Variants in RAI14 observed in about 807,000 individuals in gnomAD.
RAI14 encodes ankycorbin.
In RAI14, 45 loss-of-function variants were observed where a neutral mutation model predicts 115.4. That is an observed-to-expected ratio of 0.39 (90% CI 0.31 to 0.50). The LOEUF (loss-of-function observed/expected upper bound fraction) is 0.50. RAI14 is among the 20% of genes least tolerant of loss of function. The pLI, the probability that RAI14 is intolerant of heterozygous loss-of-function variation, is 0.85. For synonymous variants in RAI14, 371 were observed against 415.4 expected (o/e 0.89, Z 1.30); for missense variants, 939 against 1,131.2 (o/e 0.83, Z 2.44).
intron 1 of RAI14, among the ~76,000 whole-genome samples, chr5:34,674,385 G>A (rs573913169): frequency 1.3e-5 from 2 of 152,232 alleles, no homozygotes; most frequent in South Asian, 4.1e-4. Flanking sequence ...GAGAGTCCAA[G>A]TTTCCTTATT....
At chr5:34,790,263 T>A (rs1311045469) in intron 3 of RAI14, among the ~76,000 whole-genome samples, 17 of 152,200 alleles carry the variant, frequency 1.1e-4, no homozygotes, top group Non-Finnish European at 1.5e-5. Flanking sequence ...GAGCCTGCTC[T>A]TTCAGTTGGT....
intron 3 of RAI14, among the ~76,000 whole-genome samples, chr5:34,777,903 T>C (rs1327507948): frequency 6.6e-6 from 1 of 151,852 alleles, no homozygotes; most frequent in African/African-American, 2.4e-5. Flanking sequence ...AGTAGAAACA[T>C]AGTTAGAGCT....
rs1269257666 is a variant in RAI14 at position 34,661,194 on chromosome 5, T to A, written c.-49+4719T>A. ...TGAAGTGCTCCGGTGGGTCTTTCCT[T>A]TGGTGTCGTGTAGGTGCTCAAAGAG... On this transcript the variant is annotated intron_variant, in intron 1 of 17. Coordinates refer to ENST00000265109, the MANE Select transcript of RAI14 (RefSeq NM_015577.3). Among the ~76,000 whole-genome samples the A allele has an allele frequency of 2.0e-5, 3 of 152,302 alleles. No individual in the cohort carries two copies. The East Asian group carries it at 5.8e-4, about 29-fold the overall frequency.
chr5:34,749,770 G>A (rs1746752761), intron 2 of RAI14, among the ~76,000 whole-genome samples: 1 of 152,152 alleles, frequency 6.6e-6, no homozygotes, highest in Non-Finnish European at 1.5e-5. Flanking sequence ...CATTACACAT[G>A]TCTCTGCAGC....
intron 1 of RAI14, among the ~76,000 whole-genome samples, chr5:34,665,310 C>G (rs188602391): frequency 1.3e-5 from 2 of 148,640 alleles, no homozygotes; most frequent in African/African-American, 4.9e-5. Flanking sequence ...GAGATAATAA[C>G]TCTAAAACTA....
chr5:34,820,734 C>T (rs1396357176), intron 13 of RAI14, among the ~76,000 whole-genome samples: 2 of 152,216 alleles, frequency 1.3e-5, no homozygotes, highest in African/African-American at 4.8e-5. Context: ...CAGTACATTG[C>T]ATTGCATTCT....
In RAI14 at chr5:34,821,839, G is replaced by C. The variant is rs753423099; in HGVS notation, c.1102G>C (p.Asp368His). ...SLTLHNKELQ[D>H]KLQAKSPKEA... is the part of the protein sequence containing the mutation. ...TACCTTACACAATAAGGAGTTACAAGATAAATTACAGGTATATAAATAGAT... is the reference window on the plus strand; with the variant it reads ...TACCTTACACAATAAGGAGTTACAACATAAATTACAGGTATATAAATAGAT... The change falls in exon 14 of 18, where the codon GAT becomes CAT. Residue 368 changes from aspartate to histidine, a missense_variant. Transcript: ENST00000265109. 6.4e-7 allele frequency: 1 copy of C among 1,559,362 alleles called. No homozygotes were observed. The highest frequency in any genetic ancestry group is 8.8e-7 in the Non-Finnish European group (1 of 1,131,512).
chr5:34,663,538 A>G (rs1451190678), intron 1 of RAI14, among the ~76,000 whole-genome samples: 1 of 152,202 alleles, frequency 6.6e-6, no homozygotes, highest in Non-Finnish European at 1.5e-5. Context: ...AAATACAAAT[A>G]AAAAGTAACT....
chr5:34,728,709 T>C, intron 2 of RAI14: 1 of 151,962 alleles, frequency 6.6e-6, no homozygotes, highest in East Asian at 1.9e-4. Flanking sequence ...GTCGTGGGTA[T>C]ATCTTTATTA....
In RAI14 at chr5:34,665,098, T is replaced by C. The variant is rs1743035656; in HGVS notation, c.-49+8623T>C. ...ATATATGTGTATATATATGTGTATA[T>C]ATATGTGTATATATATGTGTATATA... On this transcript the variant is annotated intron_variant, in intron 1 of 17. Transcript: ENST00000265109. 4.0e-4 allele frequency among the ~76,000 whole-genome samples: 17 copies of C among 42,662 alleles called. 3 individuals are homozygous for C. Among genetic ancestry groups the C allele is most frequent in the African/African-American group, 1.2e-3 (17 of 14,054 alleles). 28.0% of individuals were successfully genotyped at this position (42,662 alleles called of 152,430 possible).
chr5:34,670,260 C>T (rs1035498056), intron 1 of RAI14, among the ~76,000 whole-genome samples: 3 of 152,290 alleles, frequency 2.0e-5, no homozygotes, highest in African/African-American at 7.2e-5. Flanking sequence ...GGTGTTGTCT[C>T]ACGTGCAGCC....
chr5:34,812,112 C>T (rs931636762), intron 9 of RAI14, 68 bp from the exon 10 acceptor site: 4 of 1,413,822 alleles, frequency 2.8e-6, no homozygotes, highest in Non-Finnish European at 3.9e-6. Flanking sequence ...TGTGTGTATC[C>T]CCCCACCCAA....
chr5:34,792,756 T>C (rs1753079845), intron 3 of RAI14, among the ~76,000 whole-genome samples: 1 of 152,244 alleles, frequency 6.6e-6, no homozygotes, highest in African/African-American at 2.4e-5. Flanking sequence ...CAAGACTATC[T>C]ATCCTTATAG....
chr5:34,755,390 G>T (rs1747757191), intron 2 of RAI14, among the ~76,000 whole-genome samples: 1 of 152,194 alleles, frequency 6.6e-6, no homozygotes, highest in South Asian at 2.1e-4. Context: ...TCATCAAGGA[G>T]AGCTGCACTG....
chr5:34,762,092 CA>C (rs1748729129), intron 3 of RAI14, among the ~76,000 whole-genome samples: 1 of 152,182 alleles, frequency 6.6e-6, no homozygotes, highest in Admixed American at 6.5e-5. Context: ...GTTCTAGGCC[CA>C]AAGGAGGCCT....
At chr5:34,730,878 G>A (rs551857703) in intron 2 of RAI14, among the ~76,000 whole-genome samples, 3 of 152,308 alleles carry the variant, frequency 2.0e-5, no homozygotes, top group East Asian at 3.9e-4. Context: ...AGCTACTCTG[G>A]AGGCTGAGGC....
At chr5:34,789,695 C>G (rs1752703971) in intron 3 of RAI14, among the ~76,000 whole-genome samples, 1 of 152,234 alleles carries the variant, frequency 6.6e-6, no homozygotes, top group Non-Finnish European at 1.5e-5. Flanking sequence ...AGCAACATGT[C>G]ACAGACTCTG....
intron 1 of RAI14, among the ~76,000 whole-genome samples, chr5:34,665,712 C>A (rs1442501538): frequency 6.6e-6 from 1 of 152,016 alleles, no homozygotes; most frequent in African/African-American, 2.4e-5. Flanking sequence ...GCCCTAAGGC[C>A]ATTTATAAAC....
At chr5:34,789,393 G>A (rs1221491859) in intron 3 of RAI14, among the ~76,000 whole-genome samples, 3 of 152,154 alleles carry the variant, frequency 2.0e-5, no homozygotes, top group Admixed American at 6.5e-5. Context: ...TTCACATTCC[G>A]AGGCTAAATG....
Sources: allele counts gnomAD v4.1 joint callset (sites outside exome capture counted in the v4.1 genomes callset), GRCh38; gene constraint gnomAD v4.1.1; transcripts MANE v1.5; gene names NCBI Gene and HGNC (gene_info 2026-07-23, HGNC 2026-07-21).